MAP4K4: variants seen among roughly 807,000 people sequenced by gnomAD.
MAP4K4 encodes HPK/GCK-like kinase HGK.
In MAP4K4, 38 loss-of-function variants were observed where a neutral mutation model predicts 189.6. The observed-to-expected ratio is 0.20, with a 90% CI of 0.15 to 0.26. MAP4K4 has a LOEUF of 0.26. Ranked by LOEUF, MAP4K4 falls within the 10% of genes least tolerant of loss-of-function variation. The pLI is 1.00. For synonymous variants in MAP4K4, 610 were observed against 624.3 expected (o/e 0.98, Z 0.34); for missense variants, 1,054 against 1,726.9 (o/e 0.61, Z 6.91).
chr2:101,857,647 G>A (rs1037592892), intron 13 of MAP4K4, among the ~76,000 whole-genome samples: 20 of 152,188 alleles, frequency 1.3e-4, no homozygotes, highest in African/African-American at 4.6e-4. Flanking sequence ...AGACACAAGA[G>A]ACGTAGATCC....
Position 101,785,658 on chromosome 2 carries a change from T to G in MAP4K4, c.124-5062T>G, listed in dbSNP as rs923679067. On this transcript the variant is annotated intron_variant, in intron 2 of 32. Transcript: ENST00000324219. ...TGAGAAGATAGGAACATTGCCATCT[T>G]CTTCTTTCTTTCTTTCTCCCTCTCT... 3.5e-5 allele frequency among the ~76,000 whole-genome samples: 2 copies of G among 56,420 alleles called. 1 individual carries two copies. Among genetic ancestry groups the G allele is most frequent in the Non-Finnish European group, 6.8e-5 (2 of 29,268 alleles). 37.0% of individuals were successfully genotyped at this position (56,420 alleles called of 152,430 possible).
chr2:101,881,370 T>C (rs1169809514), intron 27 of MAP4K4, among the ~76,000 whole-genome samples: 1 of 152,224 alleles, frequency 6.6e-6, no homozygotes, highest in Non-Finnish European at 1.5e-5. Flanking sequence ...CTATAATTGC[T>C]TATTAGTTCC....
intron 2 of MAP4K4, among the ~76,000 whole-genome samples, chr2:101,788,353 C>G (rs769926577): frequency 3.3e-5 from 5 of 152,298 alleles, no homozygotes; most frequent in Middle Eastern, 6.8e-3. Flanking sequence ...TGCACTTTAT[C>G]TACCACCTGC....
At chr2:101,819,984 C>T (rs900712943) in intron 3 of MAP4K4, among the ~76,000 whole-genome samples, 5 of 152,062 alleles carry the variant, frequency 3.3e-5, no homozygotes, top group Non-Finnish European at 5.9e-5. Flanking sequence ...GTTTTCACAC[C>T]GGTGGACAAT....
chr2:101,813,860 A>C (rs1174309518), intron 3 of MAP4K4, among the ~76,000 whole-genome samples: 2 of 152,154 alleles, frequency 1.3e-5, no homozygotes, highest in Non-Finnish European at 1.5e-5. Flanking sequence ...GTAGAGTCAG[A>C]TTTCCTCAGA....
intron 3 of MAP4K4, among the ~76,000 whole-genome samples, chr2:101,807,913 C>T (rs889906680): frequency 2.0e-4 from 30 of 152,198 alleles, no homozygotes; most frequent in Non-Finnish European, 3.8e-4. Flanking sequence ...GGTGCTAAAC[C>T]ATCCGTGAGA....
At chr2:101,770,043 T>G (rs1184850359) in intron 2 of MAP4K4, among the ~76,000 whole-genome samples, 1 of 152,192 alleles carries the variant, frequency 6.6e-6, no homozygotes, top group African/African-American at 2.4e-5. Flanking sequence ...AAATTATATT[T>G]CATAAACATT....
chr2:101,855,262 C>T (rs936290397), intron 12 of MAP4K4, among the ~76,000 whole-genome samples: 1 of 152,204 alleles, frequency 6.6e-6, no homozygotes, highest in African/African-American at 2.4e-5. Context: ...AGAGGCAGAG[C>T]AGCTCTTCCA....
chr2:101,842,455 G>A (rs1453138321), intron 10 of MAP4K4, among the ~76,000 whole-genome samples, 154 bp from the exon 11 acceptor site: 2 of 152,178 alleles, frequency 1.3e-5, no homozygotes, highest in African/African-American at 2.4e-5. Context: ...AGAATGTGGT[G>A]TCTTGCCCCT....
intron 20 of MAP4K4, 107 bp from the exon 21 acceptor site, chr2:101,867,922 A>G: frequency 9.2e-7 from 1 of 1,087,134 alleles, no homozygotes; most frequent in Non-Finnish European, 1.4e-6. Context: ...GCTTGAACTG[A>G]TTTCTGTACT....
At chr2:101,729,393 T>A (rs1340538889) in intron 2 of MAP4K4, among the ~76,000 whole-genome samples, 1 of 152,114 alleles carries the variant, frequency 6.6e-6, no homozygotes, top group African/African-American at 2.4e-5. Context: ...GTGCATCACA[T>A]ATGCTAAGAG....
In MAP4K4 at chr2:101,854,149, C is replaced by T. The variant is rs149116618; in HGVS notation, c.1234-1828C>T. ...GGATGACTGGAAAACAGTCAGTCTC[C>T]AAAAATAAAGAAAGAATACCTGATT... On this transcript the variant is annotated intron_variant, in intron 12 of 32. Transcript: ENST00000324219. 2.2e-3 allele frequency among the ~76,000 whole-genome samples: 337 copies of T among 152,010 alleles called. 1 individual carries two copies. The highest frequency in any genetic ancestry group is 7.7e-3 in the African/African-American group (319 of 41,460).
At chr2:101,891,057 C>T in intron 32 of MAP4K4, 109 bp from the exon 33 acceptor site, 1 of 849,090 alleles carries the variant, frequency 1.2e-6, no homozygotes, top group Non-Finnish European at 2.0e-6. Flanking sequence ...CTTTGGGAGT[C>T]TAAGCTTCTC....
chr2:101,858,582 G>A (rs564879760), intron 13 of MAP4K4, among the ~76,000 whole-genome samples: 8 of 151,016 alleles, frequency 5.3e-5, no homozygotes, highest in Non-Finnish European at 1.0e-4. Context: ...AAAAATTGGT[G>A]ATCTGTGCTT....
intron 8 of MAP4K4, among the ~76,000 whole-genome samples, chr2:101,835,463 T>C (rs1244041384): frequency 1.3e-5 from 2 of 152,238 alleles, no homozygotes; most frequent in Non-Finnish European, 2.9e-5. Context: ...TATTTTTAGC[T>C]ATAACAACAA....
chr2:101,797,516 G>A, intron 3 of MAP4K4: 2 of 670,344 alleles, frequency 3.0e-6, no homozygotes, highest in South Asian at 1.8e-5. Context: ...TTTGTGGGAT[G>A]CTAAATTTCC....
rs2097583311 is a variant in MAP4K4, at chr2:101,859,884, A to G, written c.1704+20A>G. 1 of 1,577,718 alleles carries G rather than the reference A, an allele frequency of 6.3e-7. No individual in the cohort carries two copies. The highest frequency in any genetic ancestry group is 1.2e-5 in the South Asian group (1 of 85,868). ...CGAGAGGTATCCTCTTTCCTTTGTC[A>G]CTTAGACATTGCCCTGGAAAGTCGT... On this transcript the variant is annotated intron_variant, in intron 15 of 32. Coordinates refer to ENST00000324219, the Ensembl canonical transcript of MAP4K4.
intron 2 of MAP4K4, among the ~76,000 whole-genome samples, chr2:101,714,907 AC>A (rs995767315): frequency 1.4e-4 from 21 of 152,306 alleles, no homozygotes; most frequent in African/African-American, 4.8e-4. Flanking sequence ...AATTCTTGCC[AC>A]CCAACTTTTC....
intron 2 of MAP4K4, among the ~76,000 whole-genome samples, chr2:101,707,546 T>A (rs1304565063): frequency 6.6e-6 from 1 of 151,992 alleles, no homozygotes; most frequent in African/African-American, 2.4e-5. Flanking sequence ...AGAGTTTTGC[T>A]CTGTCCCCCA....
Sources: gnomAD v4.1 joint callset for allele counts (sites outside exome capture counted in the v4.1 genomes callset) on GRCh38, gnomAD v4.1.1 for gene constraint, MANE v1.5 for transcripts, NCBI Gene and HGNC (gene_info 2026-07-23, HGNC 2026-07-21) for gene names.